TDRD9: variants seen among roughly 807,000 people sequenced by gnomAD.
TDRD9 encodes tudor domain containing 9.
Under a neutral mutation model 172.6 loss-of-function variants are expected in TDRD9, and 124 were observed. The observed-to-expected ratio is 0.72, with a 90% CI of 0.62 to 0.83. The LOEUF is 0.83. Ranked by LOEUF, TDRD9 falls within the 40% of genes least tolerant of loss-of-function variation. The probability of loss-of-function intolerance (pLI) is 0.00; values close to 1 mark genes in which losing one functional copy is unlikely to be tolerated. For missense variants in TDRD9, 1,479 were observed against 1,714.1 expected (o/e 0.86, Z 2.42); for synonymous variants, 619 against 617.1 (o/e 1.00, Z -0.05).
intron 13 of TDRD9, among the ~76,000 whole-genome samples, chr14:104,002,902 T>C (rs1325205814): frequency 1.3e-5 from 2 of 152,040 alleles, no homozygotes; most frequent in South Asian, 2.1e-4. Context: ...GTCTAATTTT[T>C]GTATTTTTAG....
intron 1 of TDRD9, chr14:103,941,100 A>G (rs1390054585): frequency 6.5e-7 from 1 of 1,532,498 alleles, no homozygotes; most frequent in Non-Finnish European, 8.7e-7. Context: ...AAACTTCTCG[A>G]AATCTAGAGG....
intron 29 of TDRD9, among the ~76,000 whole-genome samples, chr14:104,031,796 A>G (rs1192473839): frequency 6.6e-6 from 1 of 151,944 alleles, no homozygotes; most frequent in Admixed American, 6.6e-5. Flanking sequence ...TTTCTTAACC[A>G]TATATATCAA....
At position 103,957,986 on chromosome 14, in the gene TDRD9, A is replaced by G. The variant is rs142683272; in HGVS notation, c.322+2216A>G. Among the ~76,000 whole-genome samples, 5 of 152,302 alleles carry G rather than the reference A, an allele frequency of 3.3e-5. No homozygotes were observed. The East Asian group carries it at 7.7e-4, about 24-fold the overall frequency. On this transcript the variant is annotated intron_variant, in intron 2 of 35. Coordinates refer to ENST00000409874, the MANE Select transcript of TDRD9 (RefSeq NM_153046.3). ...TTTTCTCTGGGCAGTCGGATCAACT[A>G]TGGCTTTGGCTATTTATGGAGGTTT...
At chr14:104,028,670 A>G (rs1393074430) in intron 28 of TDRD9, among the ~76,000 whole-genome samples, 2 of 152,186 alleles carry the variant, frequency 1.3e-5, no homozygotes, top group African/African-American at 2.4e-5. Flanking sequence ...TGTACTATGC[A>G]GAAGGTTTTT....
chr14:104,049,940 A>T (rs183901454), intron 35 of TDRD9: 22 of 435,516 alleles, frequency 5.1e-5, no homozygotes, highest in Middle Eastern at 6.2e-4. Flanking sequence ...AAAAAAAGGT[A>T]TGAGGGTCTG....
intron 19 of TDRD9, 91 bp downstream of exon 19, chr14:104,007,295 A>C: frequency 7.9e-7 from 1 of 1,269,660 alleles, no homozygotes; most frequent in Non-Finnish European, 1.1e-6. Flanking sequence ...GTGAATCATG[A>C]CGGTGCCACC....
intron 25 of TDRD9, 93 bp from the exon 26 acceptor site, chr14:104,025,471 A>G: frequency 2.2e-6 from 2 of 920,898 alleles, no homozygotes; most frequent in African/African-American, 1.7e-5. Flanking sequence ...GGTGTCGTAC[A>G]GCACAGGGTG....
chr14:103,993,199 G>A lies in TDRD9; in HGVS notation c.1181-1133G>A, dbSNP rs577667274. 1.3e-4 allele frequency among the ~76,000 whole-genome samples: 20 copies of A among 151,448 alleles called. No homozygotes were observed. The East Asian group carries it at 3.1e-3, about 24-fold the overall frequency. ...TAACTAGCTTGCACAGGCTAGTCTC[G>A]AACTGCTAGGCTCAAGTGATCTCCA... On this transcript the variant is annotated intron_variant, in intron 9 of 35. Transcript: ENST00000409874.
intron 7 of TDRD9, among the ~76,000 whole-genome samples, chr14:103,985,154 T>G (rs139537749): frequency 3.8e-4 from 58 of 152,300 alleles, no homozygotes; most frequent in African/African-American, 1.3e-3. Flanking sequence ...GAGTTAAGAC[T>G]TTGTGGGGAC....
intron 13 of TDRD9, 78 bp from the exon 14 acceptor site, chr14:104,004,160 G>T: frequency 1.6e-6 from 1 of 643,604 alleles, no homozygotes; most frequent in South Asian, 2.4e-5. Context: ...AATATTTAAT[G>T]ACTGTTTAAA....
intron 5 of TDRD9, among the ~76,000 whole-genome samples, chr14:103,968,372 T>C (rs1480289915): frequency 6.6e-6 from 1 of 152,244 alleles, no homozygotes; most frequent in African/African-American, 2.4e-5. Context: ...TAGGTTTACA[T>C]ATAGTATCGT....
At chr14:103,965,271 T>G in intron 3 of TDRD9, 62 bp from the exon 4 acceptor site, 1 of 1,408,512 alleles carries the variant, frequency 7.1e-7, no homozygotes, top group Admixed American at 2.0e-5. Flanking sequence ...GACTTCTTAA[T>G]ATAGGTGATA....
rs2152141702 is a variant in TDRD9 at position 103,963,095 on chromosome 14, G to C, written c.339G>C (p.Leu113Phe). The change falls in exon 3 of 36, where the codon TTG becomes TTC. Residue 113 changes from leucine (L) to phenylalanine (F), a missense_variant. Physicochemically the swap from Leu to Phe is conservative, Grantham distance 22 (BLOSUM62 0). Around this residue, in one of 3 missense-constraint regions of TDRD9, gnomAD observed 1,413 missense variants for 1,649.1 expected, o/e 0.86. Coordinates refer to ENST00000409874, the MANE Select transcript of TDRD9 (RefSeq NM_153046.3). ...TTAATCCAGGTCCAAGGCCATCTTT[G>C]GCTAAATTAAGCAGTGTGACATGCA... ...PTSGPGPRPS[L>F]AKLSSVTCIP... is the part of the protein sequence containing the mutation. The C allele has an allele frequency of 6.5e-7, 1 of 1,545,302 alleles. No individual in the cohort carries two copies. Among genetic ancestry groups the C allele is most frequent in the Non-Finnish European group, 8.7e-7 (1 of 1,144,752 alleles).
intron 1 of TDRD9, chr14:103,941,833 T>TA: frequency 1.5e-6 from 1 of 647,144 alleles, no homozygotes; most frequent in Non-Finnish European, 2.6e-6. Context: ...CAGGTCAAAA[T>TA]AAGATTAGAA....
intron 11 of TDRD9, among the ~76,000 whole-genome samples, chr14:103,995,402 C>T (rs1165409985): frequency 6.6e-6 from 1 of 152,190 alleles, no homozygotes; most frequent in Non-Finnish European, 1.5e-5. Flanking sequence ...AGGGCAAGTA[C>T]AGGCAACAAC....
intron 28 of TDRD9, among the ~76,000 whole-genome samples, chr14:104,030,853 A>G (rs551719080): frequency 6.6e-6 from 1 of 152,322 alleles, no homozygotes; most frequent in East Asian, 1.9e-4. Context: ...GGGGAGGGAT[A>G]GCATCAGGAG....
intron 31 of TDRD9, 28 bp from the exon 32 acceptor site, chr14:104,034,932 C>T (rs370757380): frequency 4.9e-4 from 743 of 1,529,264 alleles, no homozygotes; most frequent in Non-Finnish European, 6.3e-4. Flanking sequence ...AGTTAATGCC[C>T]GATGTTGATT....
intron 1 of TDRD9, among the ~76,000 whole-genome samples, chr14:103,946,506 C>G (rs1231657384): frequency 1.3e-5 from 2 of 152,178 alleles, no homozygotes; most frequent in Non-Finnish European, 2.9e-5. Flanking sequence ...AGGTTGCCGC[C>G]TTTCACCACT....
chr14:104,040,709 T>C (rs982993998), intron 33 of TDRD9, among the ~76,000 whole-genome samples: 2 of 152,096 alleles, frequency 1.3e-5, no homozygotes, highest in Non-Finnish European at 2.9e-5. Flanking sequence ...GGACACAAGG[T>C]CCTGCCCCTC....
Sources: allele counts gnomAD v4.1 joint callset (sites outside exome capture counted in the v4.1 genomes callset), GRCh38; gene constraint gnomAD v4.1.1; regional missense constraint gnomAD v4.1.1; transcripts MANE v1.5; gene names NCBI Gene and HGNC (gene_info 2026-07-23, HGNC 2026-07-21).